Variants in THADA observed in about 807,000 individuals in gnomAD.
The protein encoded by THADA is THADA armadillo repeat containing, also known as tRNA (32-2'-O)-methyltransferase regulator THADA.
THADA carries 213 observed loss-of-function variants against 219.8 expected under a neutral mutation model. The ratio of observed to expected loss-of-function variants is 0.97; its 90% CI spans 0.87 to 1.09. The LOEUF is 1.09. THADA is among the 50% of genes least tolerant of loss of function. The probability of loss-of-function intolerance (pLI) is 0.00; values close to 1 mark genes in which losing one functional copy is unlikely to be tolerated. For synonymous variants in THADA, 1,018 were observed against 828.9 expected, an observed-to-expected ratio of 1.23 and a Z score of -3.92; for missense variants, 2,956 against 2,311.3, an observed-to-expected ratio of 1.28 and a Z score of -5.72.
intron 30 of THADA, among the ~76,000 whole-genome samples, chr2:43,342,535 C>T (rs924773124): frequency 6.6e-6 from 1 of 152,172 alleles, no homozygotes; most frequent in Non-Finnish European, 1.5e-5. Flanking sequence ...TTTCATATTG[C>T]TGTGTCTCTG....
At chr2:43,385,169 A>C (rs568527332) in intron 29 of THADA, among the ~76,000 whole-genome samples, 13 of 152,084 alleles carry the variant, frequency 8.5e-5, no homozygotes, top group African/African-American at 9.7e-5. Flanking sequence ...AAACAAAAAA[A>C]CCCACAAAAA....
chr2:43,428,218 G>A lies in THADA; in HGVS notation c.3940C>T (p.Pro1314Ser), dbSNP rs780826956. 1.0e-5 allele frequency: 16 copies of A among 1,599,302 alleles called. No individual in the cohort carries two copies. The highest frequency in any genetic ancestry group is 1.2e-5 in the Non-Finnish European group (14 of 1,171,618). ...AGAAACATGCTTGGATGACGATTTGGTTCTCCCATATCACTGAAACAACAA... is the reference window on the plus strand; with the variant it reads ...AGAAACATGCTTGGATGACGATTTGATTCTCCCATATCACTGAAACAACAA... ...ANTVDSDMGE[P>S]NRHPSMFLLL... The change falls in exon 28 of 38, where the codon CCA becomes TCA. Residue 1314 changes from proline to serine, a missense_variant. Physicochemically the swap from Pro to Ser is moderately conservative, Grantham distance 74 (BLOSUM62 -1). Coordinates refer to ENST00000405975, the MANE Select transcript of THADA (RefSeq NM_022065.5).
At chr2:43,298,407 G>A (rs1306876455) in intron 31 of THADA, among the ~76,000 whole-genome samples, 4 of 123,660 alleles carry the variant, frequency 3.2e-5, no homozygotes, top group Non-Finnish European at 6.6e-5. Flanking sequence ...CAGCATGCTC[G>A]TTAAGAGTCA....
intron 36 of THADA, among the ~76,000 whole-genome samples, chr2:43,266,461 G>A (rs911420099): frequency 5.9e-5 from 9 of 152,164 alleles, no homozygotes; most frequent in Middle Eastern, 3.2e-3. Flanking sequence ...AAGTTAGCCG[G>A]GCGTGGTGGC....
At chr2:43,302,147 T>C (rs1676339819) in intron 31 of THADA, among the ~76,000 whole-genome samples, 1 of 152,076 alleles carries the variant, frequency 6.6e-6, no homozygotes, top group Non-Finnish European at 1.5e-5. Context: ...GGACTATAGG[T>C]GCATGCCACC....
At chr2:43,271,773 C>T (rs1170990324) in intron 36 of THADA, among the ~76,000 whole-genome samples, 2 of 152,026 alleles carry the variant, frequency 1.3e-5, no homozygotes, top group African/African-American at 4.8e-5. Flanking sequence ...CACCACCACG[C>T]CCAGCTAATT....
chr2:43,263,094 G>A (rs1039701413), intron 36 of THADA, among the ~76,000 whole-genome samples: 5 of 152,058 alleles, frequency 3.3e-5, no homozygotes, highest in Non-Finnish European at 7.4e-5. Context: ...ACCCCAACTC[G>A]ACACTCCTCG....
At chr2:43,498,618 A>T (rs185407410) in intron 25 of THADA, among the ~76,000 whole-genome samples, 2 of 149,632 alleles carry the variant, frequency 1.3e-5, no homozygotes, top group Non-Finnish European at 3.0e-5. Context: ...CAATAAAATT[A>T]AAAAAAAAAG....
intron 26 of THADA, among the ~76,000 whole-genome samples, chr2:43,483,274 C>G (rs972147969): frequency 4.6e-5 from 7 of 152,140 alleles, no homozygotes; most frequent in Non-Finnish European, 2.9e-5. Flanking sequence ...GAAAAAGGTC[C>G]TTCCTTCAGA....
At chr2:43,498,716 A>C in intron 25 of THADA, 117 bp downstream of exon 25, 1 of 1,162,156 alleles carries the variant, frequency 8.6e-7, no homozygotes, top group Non-Finnish European at 1.2e-6. Flanking sequence ...AAGATTTCTA[A>C]GAAAATTCAT....
At chr2:43,507,001 A>G (rs1689759133) in intron 23 of THADA, among the ~76,000 whole-genome samples, 2 of 152,236 alleles carry the variant, frequency 1.3e-5, no homozygotes. Flanking sequence ...GTCTATATTG[A>G]AAATATTTTT....
chr2:43,375,381 T>C (rs2104635844), intron 29 of THADA, among the ~76,000 whole-genome samples: 1 of 152,324 alleles, frequency 6.6e-6, no homozygotes, highest in East Asian at 1.9e-4. Flanking sequence ...CACTGCAAGA[T>C]CACAAACTGT....
intron 21 of THADA, among the ~76,000 whole-genome samples, chr2:43,535,134 T>C (rs1040636722): frequency 2.0e-5 from 3 of 151,622 alleles, no homozygotes; most frequent in African/African-American, 4.8e-5. Context: ...TCGTCATTTC[T>C]GTTTTTGAGA....
intron 24 of THADA, among the ~76,000 whole-genome samples, chr2:43,501,871 G>C (rs916852936): frequency 8.6e-5 from 13 of 151,454 alleles, no homozygotes; most frequent in African/African-American, 2.7e-4. Flanking sequence ...TTGAACCCAG[G>C]TGGTGAAGGT....
chr2:43,484,149 T>C (rs374044068), intron 26 of THADA: 1 of 154,314 alleles, frequency 6.5e-6, no homozygotes, highest in African/African-American at 2.4e-5. Flanking sequence ...AAGGGATTTA[T>C]ACTTACAGCC....
At chr2:43,302,271 A>G (rs1676352539) in intron 31 of THADA, among the ~76,000 whole-genome samples, 1 of 152,032 alleles carries the variant, frequency 6.6e-6, no homozygotes, top group African/African-American at 2.4e-5. Flanking sequence ...TCCCTGCTTT[A>G]ATGGCCCCAT....
At chr2:43,260,600 T>C (rs548592791) in intron 36 of THADA, among the ~76,000 whole-genome samples, 1 of 152,240 alleles carries the variant, frequency 6.6e-6, no homozygotes, top group Non-Finnish European at 1.5e-5. Context: ...TGTTTTCCTC[T>C]GTATGGGCCT....
chr2:43,559,414 C>T (rs1697790009), intron 16 of THADA, among the ~76,000 whole-genome samples: 1 of 152,188 alleles, frequency 6.6e-6, no homozygotes, highest in South Asian at 2.1e-4. Flanking sequence ...ACTGCATCTA[C>T]AAGCTACCAT....
intron 29 of THADA, among the ~76,000 whole-genome samples, chr2:43,376,529 G>A (rs765045048): frequency 2.6e-4 from 39 of 152,192 alleles, no homozygotes; most frequent in Non-Finnish European, 5.0e-4. Context: ...CATGTTAAAT[G>A]AATGAAGCCT....
Sources: allele counts gnomAD v4.1 joint callset (sites outside exome capture counted in the v4.1 genomes callset), GRCh38; gene constraint gnomAD v4.1.1; transcripts MANE v1.5; gene names NCBI Gene and HGNC (gene_info 2026-07-23, HGNC 2026-07-21).